Variants in SASH1 observed in about 807,000 individuals in gnomAD.
The protein encoded by SASH1 is SAM and SH3 domain-containing protein 1.
Under a neutral mutation model 125.2 loss-of-function variants are expected in SASH1, and 44 were observed. That is an observed-to-expected ratio of 0.35 (90% CI 0.28 to 0.45). The LOEUF is 0.45. SASH1 is among the 20% of genes least tolerant of loss of function. SASH1 has a pLI of 1.00. For synonymous variants in SASH1, 639 were observed against 649.1 expected (o/e 0.98, Z 0.24); for missense variants, 1,426 against 1,614.5 (o/e 0.88, Z 2.00).
Position 148,471,412 on chromosome 6 carries a change from T to TATG in SASH1, c.428-5_428-4insATG. On this transcript the variant is annotated splice_region_variant and splice_polypyrimidine_tract_variant and intron_variant, in intron 5 of 19. Coordinates refer to ENST00000367467, the MANE Select transcript of SASH1 (RefSeq NM_015278.5). ...TTTTTTTTTTTTTTTTTTTTTTTTT[T>TATG]TAAGGAAAAGGAGACTGGAAGAAGA... 3.6e-6 allele frequency: 4 copies of TATG among 1,098,568 alleles called. No individual in the cohort carries two copies. The highest frequency in any genetic ancestry group is 3.8e-6 in the Non-Finnish European group (3 of 789,198). The allele number at this position is 1,098,568 out of a possible 1,614,324, so 68.1% of individuals were successfully genotyped here. A position where few individuals can be genotyped will look rare whatever the true frequency, so the allele number is the denominator to read the frequency against.
the SASH1 span, among the ~76,000 whole-genome samples, chr6:148,226,730 T>G: frequency 6.6e-6 from 1 of 152,352 alleles, no homozygotes; most frequent in East Asian, 1.9e-4. Flanking sequence ...TACACTTATG[T>G]CACTCAGGAC....
chr6:148,446,194 C>T (rs950942449), intron 4 of SASH1, among the ~76,000 whole-genome samples: 4 of 148,694 alleles, frequency 2.7e-5, no homozygotes, highest in East Asian at 2.0e-4. Context: ...CTGCAAGCTC[C>T]GCCTCCCAGG....
At chr6:148,254,886 C>T in the SASH1 span, among the ~76,000 whole-genome samples, 3 of 151,966 alleles carry the variant, frequency 2.0e-5, no homozygotes, top group African/African-American at 4.8e-5. Context: ...AACATATGTC[C>T]GTACAAAAAC....
chr6:148,320,362 A>C (rs181527611), intron 1 of SASH1, among the ~76,000 whole-genome samples: 1 of 152,234 alleles, frequency 6.6e-6, no homozygotes, highest in Non-Finnish European at 1.5e-5. Context: ...CCCCCTTGAT[A>C]GCGGCACCGC....
chr6:148,336,298 C>A (rs1481620420), intron 1 of SASH1, among the ~76,000 whole-genome samples: 1 of 150,650 alleles, frequency 6.6e-6, no homozygotes, highest in Non-Finnish European at 1.5e-5. Context: ...GCCTCAGCCT[C>A]CCGAGTAGCT....
intron 7 of SASH1, among the ~76,000 whole-genome samples, chr6:148,487,090 T>TACACACACACACACACACACACACAC (rs1448530373): frequency 3.0e-5 from 3 of 100,704 alleles, no homozygotes; most frequent in Admixed American, 1.1e-4. Context: ...AACACATATA[T>TACACACACACACACACACACACACAC]ATACACACAC....
chr6:148,540,468 G>T lies in SASH1; in HGVS notation c.2121G>T (p.Gln707His), dbSNP rs562076284. 29 of 1,614,054 alleles carry T rather than the reference G, an allele frequency of 1.8e-5. No homozygotes were observed. In the South Asian group the frequency reaches 3.1e-4, roughly 17 times the overall value. ...GTAACAGCGACCAGTCAGGATCCCA[G>T]GAGAAGCTGCTCGTTGACAGCCAGG... ...YDSNSDQSGS[Q>H]EKLLVDSQGL... The change falls in exon 17 of 20, where the codon CAG becomes CAT. Residue 707 changes from glutamine (Q) to histidine (H), a missense_variant. By Grantham distance (24) the Gln-to-His change is conservative. Transcript: ENST00000367467.
chr6:148,405,260 G>A (rs777592188), intron 2 of SASH1, among the ~76,000 whole-genome samples: 1 of 151,992 alleles, frequency 6.6e-6, no homozygotes, highest in African/African-American at 2.4e-5. Flanking sequence ...GTATGTGCCA[G>A]TGAGAATATT....
chr6:148,338,889 C>T (rs1426137973), upstream of SASH1, among the ~76,000 whole-genome samples: 1 of 151,582 alleles, frequency 6.6e-6, no homozygotes, highest in Non-Finnish European at 1.5e-5. Context: ...CCTGTAGTCC[C>T]AGCTACTTGG....
chr6:148,390,645 G>A (rs889834169), intron 2 of SASH1, among the ~76,000 whole-genome samples: 2 of 151,968 alleles, frequency 1.3e-5, no homozygotes, highest in African/African-American at 2.4e-5. Flanking sequence ...AAAATTAGCC[G>A]GGCGTGGTGA....
the SASH1 span, among the ~76,000 whole-genome samples, chr6:148,255,790 G>C: frequency 1.3e-5 from 2 of 152,018 alleles, no homozygotes; most frequent in African/African-American, 4.8e-5. Flanking sequence ...CTACAGGTGT[G>C]TGCCACCATG....
chr6:148,202,369 A>G, the SASH1 span, among the ~76,000 whole-genome samples: 2 of 152,152 alleles, frequency 1.3e-5, no homozygotes, highest in African/African-American at 4.8e-5. Flanking sequence ...CAGGGCCCAC[A>G]TAGCGAAAAG....
In SASH1 at chr6:148,378,663, C is replaced by T. The variant is rs191081394; in HGVS notation, c.157-11471C>T. ...CACCGTGCCTGGTTGATAATTCTTT[C>T]TCATGTAGGCCACCCTTATTCTGTG... is the stretch of plus-strand genomic sequence containing the variant. On this transcript the variant is annotated intron_variant, in intron 1 of 19. Coordinates refer to ENST00000367467, the MANE Select transcript of SASH1 (RefSeq NM_015278.5). Among the ~76,000 whole-genome samples, 19 of 152,286 alleles carry T rather than the reference C, an allele frequency of 1.2e-4. No homozygotes were observed. The East Asian group carries it at 3.7e-3, about 29-fold the overall frequency.
intron 2 of SASH1, among the ~76,000 whole-genome samples, chr6:148,403,302 A>G (rs1784250108): frequency 6.6e-6 from 1 of 151,934 alleles, no homozygotes; most frequent in African/African-American, 2.4e-5. Context: ...ATGGGGTCTC[A>G]CTATGTTGCC....
intron 1 of SASH1, among the ~76,000 whole-genome samples, chr6:148,312,833 GAGGAGGAGA>G (rs771332277): frequency 2.2e-4 from 33 of 152,178 alleles, no homozygotes; most frequent in African/African-American, 7.0e-4. Context: ...GGGATAAGAA[GAGGAGGAGA>G]AGGAGGAGAA....
At position 148,342,965 on chromosome 6, in the gene SASH1, T is replaced by C. The variant is rs1375142645; in HGVS notation, c.-103T>C. On this transcript the variant is annotated 5_prime_UTR_variant, in exon 1 of 20. An upstream open reading frame in the 5' UTR loses its in-frame stop. Coordinates refer to ENST00000367467, the MANE Select transcript of SASH1 (RefSeq NM_015278.5). ...CATGCAGCGCGGGGGCGCGGCTCGG[T>C]GACGCCGCGGGCGGGGACCCGGCAT... 1 of 966,182 alleles carries C rather than the reference T, an allele frequency of 1.0e-6. No individual in the cohort carries two copies. The highest frequency in any genetic ancestry group is 1.8e-5 in the African/African-American group (1 of 56,424). The allele number at this position is 966,182 out of a possible 1,614,324, so 59.9% of individuals were successfully genotyped here. A position where few individuals can be genotyped will look rare whatever the true frequency, so the allele number is the denominator to read the frequency against.
intron 4 of SASH1, among the ~76,000 whole-genome samples, chr6:148,446,763 C>A (rs1274987392): frequency 3.0e-4 from 46 of 152,086 alleles, no homozygotes; most frequent in Non-Finnish European, 4.4e-5. Flanking sequence ...TCACTTAATA[C>A]AAAAATCCTA....
chr6:148,346,413 G>A (rs1056809739), intron 1 of SASH1, among the ~76,000 whole-genome samples: 3 of 151,130 alleles, frequency 2.0e-5, no homozygotes, highest in African/African-American at 7.3e-5. Flanking sequence ...GAAAATGTTT[G>A]AGCAGTACTA....
At chr6:148,434,675 C>G (rs1303854724) in intron 2 of SASH1, among the ~76,000 whole-genome samples, 1 of 152,084 alleles carries the variant, frequency 6.6e-6, no homozygotes, top group Non-Finnish European at 1.5e-5. Flanking sequence ...ATCTATAGGT[C>G]AAATTTCAAA....
Sources: allele counts gnomAD v4.1 joint callset (sites outside exome capture counted in the v4.1 genomes callset), GRCh38; gene constraint gnomAD v4.1.1; transcripts MANE v1.5; gene names NCBI Gene and HGNC (gene_info 2026-07-23, HGNC 2026-07-21).